KCTD1: variants seen among roughly 807,000 people sequenced by gnomAD.
KCTD1 encodes BTB/POZ domain-containing protein KCTD1.
In KCTD1, 24 loss-of-function variants were observed where a neutral mutation model predicts 66.0. The ratio of observed to expected loss-of-function variants is 0.36; its 90% CI spans 0.26 to 0.51. The LOEUF is 0.51. KCTD1 is among the 20% of genes least tolerant of loss of function. The pLI, the probability that KCTD1 is intolerant of heterozygous loss-of-function variation, is 0.95. For synonymous variants in KCTD1, 511 were observed against 517.2 expected (o/e 0.99, Z 0.16); for missense variants, 943 against 1,205.2 (o/e 0.78, Z 3.22).
chr18:26,536,741 A>G (rs1984726828), intron 1 of KCTD1, among the ~76,000 whole-genome samples: 1 of 152,182 alleles, frequency 6.6e-6, no homozygotes, highest in South Asian at 2.1e-4. Context: ...GCACACCGTA[A>G]GTGCTCAATA....
intron 1 of KCTD1, among the ~76,000 whole-genome samples, chr18:26,597,932 G>T (rs1045401349): frequency 6.6e-6 from 1 of 152,180 alleles, no homozygotes; most frequent in Non-Finnish European, 1.5e-5. Flanking sequence ...GGGATTACAG[G>T]CGTGAGCCAC....
intron 1 of KCTD1, among the ~76,000 whole-genome samples, chr18:26,639,711 A>T (rs184002585): frequency 3.5e-4 from 54 of 152,228 alleles, no homozygotes; most frequent in Admixed American, 3.1e-3. Flanking sequence ...GCTTTGTTTA[A>T]TCCTCACAAC....
At position 26,577,739 on chromosome 18, in the gene KCTD1, G is replaced by GTTTGTTTT; in HGVS notation, c.-16+51407_-16+51408insAAAACAAA. Among the ~76,000 whole-genome samples, 2 of 151,504 alleles carry GTTTGTTTT rather than the reference G, an allele frequency of 1.3e-5. 1 individual carries two copies. The highest frequency in any genetic ancestry group is 4.8e-5 in the African/African-American group (2 of 41,324). ...TAGTTTTTAGTGTTTTTTTTTGTTT[G>GTTTGTTTT]TTTTTTTGTTTTTTTGTAGAGATGA... On this transcript the variant is annotated intron_variant, in intron 1 of 4. Transcript: ENST00000317932.
chr18:26,605,123 G>A (rs927946090), intron 1 of KCTD1, among the ~76,000 whole-genome samples: 2 of 152,184 alleles, frequency 1.3e-5, no homozygotes, highest in African/African-American at 4.8e-5. Context: ...TTTTAGTAAA[G>A]GTTCAGGAAA....
At chr18:26,615,104 C>T (rs1411762152) in intron 1 of KCTD1, among the ~76,000 whole-genome samples, 1 of 152,192 alleles carries the variant, frequency 6.6e-6, no homozygotes, top group Non-Finnish European at 1.5e-5. Flanking sequence ...TAACATCCTC[C>T]CCACCTGGGC....
intron 1 of KCTD1, among the ~76,000 whole-genome samples, chr18:26,604,536 T>A (rs1986969956): frequency 6.6e-6 from 1 of 152,206 alleles, no homozygotes; most frequent in Non-Finnish European, 1.5e-5. Context: ...ATGTGGTACA[T>A]ATACACCATG....
chr18:26,568,410 T>C (rs1301163087), intron 1 of KCTD1, among the ~76,000 whole-genome samples: 4 of 152,014 alleles, frequency 2.6e-5, no homozygotes, highest in Non-Finnish European at 4.4e-5. Context: ...CTAATATTTG[T>C]ATTTTTAGTA....
At chr18:26,625,030 A>G (rs889056405) in intron 1 of KCTD1, among the ~76,000 whole-genome samples, 1 of 152,146 alleles carries the variant, frequency 6.6e-6, no homozygotes, top group African/African-American at 2.4e-5. Context: ...CTTGTGTGGG[A>G]CCTGTAGTTC....
chr18:26,548,549 C>T lies in KCTD1; in HGVS notation c.-13G>A, dbSNP rs1255865105. 3 of 1,222,636 alleles carry T rather than the reference C, an allele frequency of 2.5e-6. No individual in the cohort carries two copies. Among genetic ancestry groups the T allele is most frequent in the Non-Finnish European group, 2.0e-6 (2 of 983,874 alleles). The allele number at this position is 1,222,636 out of a possible 1,614,324, so 75.7% of individuals were successfully genotyped here. On this transcript the variant is annotated 5_prime_UTR_variant, in exon 1 of 5. Coordinates refer to ENST00000580059, the MANE Select transcript of KCTD1 (RefSeq NM_001142730.3). ...GCATTCTCGCCATATTGCCGTCTCT[C>T]TGCCAGTCCTCGGGCAGGGCGCATG...
chr18:26,515,440 A>G (rs1469518714), intron 1 of KCTD1, among the ~76,000 whole-genome samples: 1 of 152,020 alleles, frequency 6.6e-6, no homozygotes, highest in East Asian at 1.9e-4. Context: ...CTCCTATCTT[A>G]GATGTCTGGG....
intron 1 of KCTD1, among the ~76,000 whole-genome samples, chr18:26,518,717 A>G (rs1983779326): frequency 6.6e-6 from 1 of 152,118 alleles, no homozygotes; most frequent in Admixed American, 6.5e-5. Flanking sequence ...AATTAAAACA[A>G]AATTTTGTAG....
intron 1 of KCTD1, among the ~76,000 whole-genome samples, chr18:26,524,300 G>T (rs1379641797): frequency 6.6e-6 from 1 of 152,100 alleles, no homozygotes; most frequent in African/African-American, 2.4e-5. Flanking sequence ...GCGCTCACAG[G>T]CTCCATCACT....
intron 1 of KCTD1, among the ~76,000 whole-genome samples, chr18:26,602,958 G>GA (rs1446174529): frequency 9.2e-5 from 14 of 152,196 alleles, no homozygotes; most frequent in African/African-American, 3.4e-4. Flanking sequence ...GGAGAGCCCA[G>GA]AAATAAGGCC....
chr18:26,590,250 ATTT>A (rs111469938), intron 1 of KCTD1, among the ~76,000 whole-genome samples: 18 of 138,904 alleles, frequency 1.3e-4, no homozygotes, highest in African/African-American at 3.7e-4. Flanking sequence ...CACCTGGCTC[ATTT>A]TTTTTTTTTC....
Position 26,455,588 on chromosome 18 carries a change from G to T in KCTD1, c.*155C>A. On this transcript the variant is annotated 3_prime_UTR_variant, in exon 5 of 5. Coordinates refer to ENST00000580059, the MANE Select transcript of KCTD1 (RefSeq NM_001142730.3). ...ATCACTATTCCAATTGTTCCCATAT[G>T]AATACAGGTGTGGTCTCTATTGGAT... is the stretch of plus-strand genomic sequence containing the variant. 2 of 710,324 alleles carry T rather than the reference G, an allele frequency of 2.8e-6. No homozygotes were observed. Among genetic ancestry groups the T allele is most frequent in the Non-Finnish European group, 4.6e-6 (2 of 430,590 alleles). 44.0% of individuals were successfully genotyped at this position (710,324 alleles called of 1,614,324 possible).
upstream of KCTD1, among the ~76,000 whole-genome samples, chr18:26,643,164 G>A (rs979313255): frequency 6.6e-6 from 1 of 152,152 alleles, no homozygotes; most frequent in Non-Finnish European, 1.5e-5. Flanking sequence ...CTCGCCGACA[G>A]CCACCTTCTT....
At chr18:26,549,255 G>A, upstream of KCTD1, 1 of 986,418 alleles carries the variant, frequency 1.0e-6, no homozygotes, top group Non-Finnish European at 1.2e-6. Flanking sequence ...TGCTGGCGGC[G>A]AGGCGCGGGG....
At chr18:26,593,402 A>AGAAGAGGAG (rs1986666893) in intron 1 of KCTD1, among the ~76,000 whole-genome samples, 1 of 85,286 alleles carries the variant, frequency 1.2e-5, no homozygotes. Context: ...AGGAGGAGGA[A>AGAAGAGGAG]GATGAGGAGG....
chr18:26,656,540 C>G (rs1303298588), intron 1 of KCTD1, among the ~76,000 whole-genome samples: 1 of 151,632 alleles, frequency 6.6e-6, no homozygotes, highest in African/African-American at 2.4e-5. Context: ...CCAGCCCGGC[C>G]GGCGACGAAG....
Sources: allele counts gnomAD v4.1 joint callset (sites outside exome capture counted in the v4.1 genomes callset), GRCh38; gene constraint gnomAD v4.1.1; transcripts MANE v1.5; gene names NCBI Gene and HGNC (gene_info 2026-07-23, HGNC 2026-07-21).